The following CTNNA2 variants were observed in gnomAD, a reference collection of about 807,000 sequenced individuals.
CTNNA2 encodes catenin alpha-2.
In CTNNA2, 42 loss-of-function variants were observed where a neutral mutation model predicts 101.0. The observed-to-expected ratio is 0.42, with a 90% CI of 0.32 to 0.54. The LOEUF is 0.54. CTNNA2 is among the 20% of genes least tolerant of loss of function. CTNNA2 has a pLI of 0.14. For missense variants in CTNNA2, 871 were observed against 1,223.1 expected (o/e 0.71, Z 4.29); for synonymous variants, 450 against 456.4 (o/e 0.99, Z 0.18).
chr2:80,310,958 G>T (rs1483081111), intron 7 of CTNNA2, among the ~76,000 whole-genome samples: 1 of 141,186 alleles, frequency 7.1e-6, no homozygotes, highest in Admixed American at 7.2e-5. Flanking sequence ...GGGTGACAGT[G>T]CGAGACTCCA....
chr2:80,170,223 CTCTCTCTCTGTG>C (rs1558871000), intron 7 of CTNNA2, among the ~76,000 whole-genome samples: 43 of 149,680 alleles, frequency 2.9e-4, no homozygotes, highest in African/African-American at 1.1e-3. Context: ...CTCTCTCTCT[CTCTCTCTCTGTG>C]TGTGTGTGTG....
chr2:79,450,132 C>T (rs1208165253), intron 4 of CTNNA2, among the ~76,000 whole-genome samples: 1 of 151,694 alleles, frequency 6.6e-6, no homozygotes, highest in Non-Finnish European at 1.5e-5. Flanking sequence ...GCAGAGAGGC[C>T]CACTAAAGCT....
At chr2:79,289,618 G>T (rs924615189) in intron 2 of CTNNA2, among the ~76,000 whole-genome samples, 7 of 152,052 alleles carry the variant, frequency 4.6e-5, no homozygotes, top group Admixed American at 2.6e-4. Flanking sequence ...AGTGATGTGC[G>T]CCTGTAATCC....
intron 7 of CTNNA2, among the ~76,000 whole-genome samples, chr2:80,188,995 C>T (rs1706303401): frequency 7.2e-6 from 1 of 139,148 alleles, no homozygotes; most frequent in South Asian, 2.4e-4. Context: ...ACTCTGTCAC[C>T]AGACTGGAGT....
chr2:79,273,327 T>C (rs1459690667), intron 2 of CTNNA2, among the ~76,000 whole-genome samples: 1 of 152,100 alleles, frequency 6.6e-6, no homozygotes, highest in Non-Finnish European at 1.5e-5. Flanking sequence ...TAATCCTTTT[T>C]CCATTTGCCC....
chr2:80,442,014 G>C (rs993772250), intron 9 of CTNNA2, among the ~76,000 whole-genome samples: 12 of 152,358 alleles, frequency 7.9e-5, no homozygotes, highest in African/African-American at 2.9e-4. Context: ...TGCACTTGCA[G>C]AGGACTGGCT....
intron 7 of CTNNA2, among the ~76,000 whole-genome samples, chr2:80,070,542 A>C (rs1488262043): frequency 6.6e-6 from 1 of 151,994 alleles, no homozygotes; most frequent in Non-Finnish European, 1.5e-5. Flanking sequence ...CTTTGTCTCT[A>C]CAAAAAAATA....
intron 9 of CTNNA2, among the ~76,000 whole-genome samples, chr2:80,425,915 T>G (rs1290093779): frequency 6.6e-6 from 1 of 152,170 alleles, no homozygotes; most frequent in Non-Finnish European, 1.5e-5. Context: ...CTTTAACAAG[T>G]GAAATTTTGA....
At chr2:79,317,102 G>T (rs1676515371) in intron 3 of CTNNA2, among the ~76,000 whole-genome samples, 1 of 151,892 alleles carries the variant, frequency 6.6e-6, no homozygotes, top group Non-Finnish European at 1.5e-5. Context: ...TTGTTGTGGT[G>T]GTGGTTTTAT....
chr2:79,683,369 A>G (rs1573667657), intron 2 of CTNNA2, among the ~76,000 whole-genome samples: 1 of 152,226 alleles, frequency 6.6e-6, no homozygotes, highest in East Asian at 1.9e-4. Context: ...TAATAACAAT[A>G]CACAGTACTT....
At chr2:79,613,457 A>ATAC (rs1678421564) in intron 1 of CTNNA2, among the ~76,000 whole-genome samples, 2 of 152,024 alleles carry the variant, frequency 1.3e-5, no homozygotes, top group South Asian at 4.2e-4. Flanking sequence ...AATAATAATA[A>ATAC]TAAAATAGAA....
chr2:79,827,700 C>G (rs6734305), intron 3 of CTNNA2, among the ~76,000 whole-genome samples: 2 of 151,978 alleles, frequency 1.3e-5, no homozygotes, highest in East Asian at 3.9e-4. Context: ...TCATTATATG[C>G]CATTGGGCAC....
At chr2:80,419,389 A>T (rs1475467150) in intron 8 of CTNNA2, 60 bp from the exon 9 acceptor site, 2 of 1,388,470 alleles carry the variant, frequency 1.4e-6, no homozygotes, top group Non-Finnish European at 2.0e-6. Context: ...TTAGAAAAAA[A>T]ATGGGCAATT....
chr2:80,082,367 T>G (rs996702718), intron 7 of CTNNA2, among the ~76,000 whole-genome samples: 1 of 152,198 alleles, frequency 6.6e-6, no homozygotes, highest in Non-Finnish European at 1.5e-5. Flanking sequence ...GAGCATAACT[T>G]ATGGTATGTA....
chr2:79,615,895 C>T (rs926364906), intron 1 of CTNNA2, among the ~76,000 whole-genome samples: 5 of 152,122 alleles, frequency 3.3e-5, no homozygotes, highest in African/African-American at 7.2e-5. Context: ...TTGTAAATCA[C>T]GTAAAAATAT....
chr2:80,433,007 T>G (rs933438816), intron 9 of CTNNA2, among the ~76,000 whole-genome samples: 2 of 152,048 alleles, frequency 1.3e-5, no homozygotes, highest in African/African-American at 4.8e-5. Context: ...AGTGGGGCAG[T>G]AGAGTACTTT....
At chr2:79,963,240 C>T (rs561537809) in intron 7 of CTNNA2, among the ~76,000 whole-genome samples, 4 of 152,090 alleles carry the variant, frequency 2.6e-5, no homozygotes, top group Non-Finnish European at 4.4e-5. Context: ...TGTTCGTTTA[C>T]ATTGTATGAC....
chr2:80,261,255 G>A (rs1421497619), intron 7 of CTNNA2, among the ~76,000 whole-genome samples: 1 of 152,104 alleles, frequency 6.6e-6, no homozygotes, highest in Non-Finnish European at 1.5e-5. Context: ...TGCTGCAAAT[G>A]TCAGTTCAAA....
chr2:79,744,611 C>A (rs556012450), intron 3 of CTNNA2, 29 bp downstream of exon 3: 2 of 1,590,904 alleles, frequency 1.3e-6, no homozygotes, highest in Non-Finnish European at 1.7e-6. Context: ...TTGTTCAAGG[C>A]GGATCTATAC....
Sources: gnomAD v4.1 joint callset for allele counts (sites outside exome capture counted in the v4.1 genomes callset) on GRCh38, gnomAD v4.1.1 for gene constraint, MANE v1.5 for transcripts, NCBI Gene and HGNC (gene_info 2026-07-23, HGNC 2026-07-21) for gene names.